LONP1: variants seen among roughly 807,000 people sequenced by gnomAD.
LONP1 encodes the protein lon peptidase 1, mitochondrial, also known as lon protease homolog, mitochondrial.
In LONP1, 31 loss-of-function variants were observed where a neutral mutation model predicts 98.5. That is an observed-to-expected ratio of 0.31 (90% confidence interval 0.24 to 0.42). LONP1 has a LOEUF of 0.42. LONP1 is among the 20% of genes least tolerant of loss of function. The probability of loss-of-function intolerance (pLI) is 1.00; values close to 1 mark genes in which losing one functional copy is unlikely to be tolerated. For synonymous variants in LONP1, 781 were observed against 594.7 expected (o/e 1.31, Z -4.56); for missense variants, 1,336 against 1,350.6 (o/e 0.99, Z 0.17).
intron 8 of LONP1, 30 bp from the exon 9 acceptor site, chr19:5,700,957 G>C (rs1407690315): frequency 6.2e-7 from 1 of 1,613,510 alleles, no homozygotes; most frequent in South Asian, 1.1e-5. Flanking sequence ...GAGATGCTGA[G>C]TGGAGCTCAC....
At chr19:5,710,141 T>C (rs547762077) in intron 4 of LONP1, among the ~76,000 whole-genome samples, 9 of 149,842 alleles carry the variant, frequency 6.0e-5, no homozygotes, top group African/African-American at 1.2e-4. Flanking sequence ...TGGAATGCAA[T>C]AGTGCAATCT....
intron 5 of LONP1, 24 bp from the exon 6 acceptor site, chr19:5,707,850 C>T (rs200800736): frequency 2.9e-5 from 46 of 1,611,058 alleles, no homozygotes; most frequent in African/African-American, 6.7e-5. Flanking sequence ...GGAGCTGCCT[C>T]GGTGGCCAGG....
At position 5,709,907 on chromosome 19, in the gene LONP1, C is replaced by CAAAAAAAAAAAAAAAAAAAAA. The variant is rs755774542; in HGVS notation, c.871-1525_871-1505dup. 7.8e-4 allele frequency among the ~76,000 whole-genome samples: 30 copies of CAAAAAAAAAAAAAAAAAAAAA among 38,670 alleles called. 1 individual carries two copies. Among genetic ancestry groups the CAAAAAAAAAAAAAAAAAAAAA allele is most frequent in the Non-Finnish European group, 1.1e-3 (26 of 23,478 alleles). The allele number at this position is 38,670 out of a possible 152,430, so 25.4% of individuals were successfully genotyped here. On this transcript the variant is annotated intron_variant, in intron 4 of 17. Transcript: ENST00000360614. Reference sequence around the variant, plus strand: ...AGCCTGGGCGACAGAGGCTCCATCTCAAAAAAAAAAAAAAAAAAAAAAAAA... The same window carrying CAAAAAAAAAAAAAAAAAAAAA: ...AGCCTGGGCGACAGAGGCTCCATCTCAAAAAAAAAAAAAAAAAAAAAAAAAAAAAAAAAAAAAAAAAAAAAA...
intron 8 of LONP1, among the ~76,000 whole-genome samples, chr19:5,704,062 G>C (rs989076741): frequency 1.3e-5 from 2 of 152,136 alleles, no homozygotes; most frequent in African/African-American, 4.8e-5. Context: ...GAAGGTCCCC[G>C]AGACAGGAGA....
At chr19:5,697,531 G>C (rs1029812823) in intron 10 of LONP1, among the ~76,000 whole-genome samples, 8 of 141,066 alleles carry the variant, frequency 5.7e-5, no homozygotes, top group Admixed American at 2.2e-4. Context: ...AGGGAGGAGA[G>C]GGGGAAGAGG....
At chr19:5,694,960 GAACCTGGGAGCC>G (rs1404657168) in intron 13 of LONP1, 59 bp from the exon 14 acceptor site, 2 of 1,551,170 alleles carry the variant, frequency 1.3e-6, no homozygotes, top group Non-Finnish European at 1.8e-6. Flanking sequence ...GCTCAGTCTA[GAACCTGGGAGCC>G]AATGCCTCTC....
intron 1 of LONP1, among the ~76,000 whole-genome samples, chr19:5,716,071 A>C (rs2055313182): frequency 6.6e-6 from 1 of 151,328 alleles, no homozygotes; most frequent in South Asian, 2.1e-4. Context: ...GACCCTGATT[A>C]AAGGTAATGG....
At chr19:5,707,945 G>T in intron 5 of LONP1, 119 bp from the exon 6 acceptor site, 1 of 1,202,222 alleles carries the variant, frequency 8.3e-7, no homozygotes, top group Non-Finnish European at 1.2e-6. Context: ...GCACGGTCTA[G>T]GGGTGCTCGC....
At chr19:5,699,499 G>A (rs894987201) in intron 9 of LONP1, among the ~76,000 whole-genome samples, 2 of 151,580 alleles carry the variant, frequency 1.3e-5, no homozygotes, top group African/African-American at 4.9e-5. Flanking sequence ...GACCGCAAAT[G>A]CTCCACTCTC....
At chr19:5,715,566 C>T (rs1290909850) in intron 1 of LONP1, among the ~76,000 whole-genome samples, 3 of 134,300 alleles carry the variant, frequency 2.2e-5, no homozygotes, top group Admixed American at 8.5e-5. Flanking sequence ...GGCGTGAACC[C>T]GGGAGGCGGA....
intron 7 of LONP1, among the ~76,000 whole-genome samples, chr19:5,706,702 C>G (rs2055151182): frequency 6.6e-6 from 1 of 152,192 alleles, no homozygotes; most frequent in African/African-American, 2.4e-5. Context: ...GCCTCAATGG[C>G]TGGGTCTTAA....
rs577612288 is a variant in LONP1 at position 5,698,222 on chromosome 19, G to A, written c.1685+805C>T. ...GCATGCTGTCACCCTTGCAGCGGGC[G>A]GGCAGATGCTAGGAAGGCCTGAGCC... On this transcript the variant is annotated intron_variant, in intron 10 of 17. Coordinates refer to ENST00000360614, the MANE Select transcript of LONP1 (RefSeq NM_004793.4). 9.9e-5 allele frequency among the ~76,000 whole-genome samples: 15 copies of A among 152,268 alleles called. No individual in the cohort carries two copies. In the South Asian group the frequency reaches 1.2e-3, roughly 13 times the overall value.
rs1568309190 is a variant in LONP1, at chr19:5,692,834, G to GC, written c.2703+463dup. 7.2e-5 allele frequency among the ~76,000 whole-genome samples: 11 copies of GC among 152,252 alleles called. No homozygotes were observed. The East Asian group carries it at 1.5e-3, about 21-fold the overall frequency. The stretch of plus-strand genomic sequence containing the variant: ...TCGTGGTGGCATCTCCTGACTGACT[G>GC]CACCAGGCTTCCTAGACACATGGCA... On this transcript the variant is annotated intron_variant, in intron 17 of 17. Coordinates refer to ENST00000360614, the MANE Select transcript of LONP1 (RefSeq NM_004793.4).
intron 14 of LONP1, 23 bp downstream of exon 14, chr19:5,694,738 A>C (rs779961463): frequency 6.3e-7 from 1 of 1,580,356 alleles, no homozygotes; most frequent in Non-Finnish European, 8.7e-7. Flanking sequence ...GGCAGGTGCC[A>C]GGAGGGCGGG....
chr19:5,708,438 C>G, intron 4 of LONP1, 35 bp from the exon 5 acceptor site: 1 of 1,200,004 alleles, frequency 8.3e-7, no homozygotes, highest in Non-Finnish European at 1.2e-6. Context: ...TGGGGCCCAG[C>G]AGTGCTCCAG....
intron 1 of LONP1, 39 bp from the exon 2 acceptor site, chr19:5,714,310 A>ATTTTT: frequency 1.2e-5 from 17 of 1,360,394 alleles, no homozygotes; most frequent in East Asian, 4.9e-5. Context: ...TGCAGAGTAG[A>ATTTTT]TTTTTTTTTT....
chr19:5,707,943 T>C, intron 5 of LONP1, 117 bp from the exon 6 acceptor site: 4 of 1,214,866 alleles, frequency 3.3e-6, no homozygotes, highest in Admixed American at 2.4e-5. Flanking sequence ...GGGCACGGTC[T>C]AGGGGTGCTC....
Position 5,710,241 on chromosome 19 carries a change from C to A in LONP1, c.870+1530G>T, listed in dbSNP as rs1282449096. The stretch of plus-strand genomic sequence containing the variant: ...CTGGGATTACAGGCATAAGCCACCA[C>A]ACCTGGCTAATTTTTTTTTGTATTT... On this transcript the variant is annotated intron_variant, in intron 4 of 17. Coordinates refer to ENST00000360614, the MANE Select transcript of LONP1 (RefSeq NM_004793.4). Among the ~76,000 whole-genome samples, 6 of 151,840 alleles carry A rather than the reference C, an allele frequency of 4.0e-5. No homozygotes were observed. The East Asian group carries it at 5.9e-4, about 15-fold the overall frequency.
At chr19:5,698,950 A>G in intron 10 of LONP1, 77 bp downstream of exon 10, 1 of 1,445,838 alleles carries the variant, frequency 6.9e-7, no homozygotes, top group South Asian at 1.3e-5. Context: ...CCAGATGTTA[A>G]AGGGTGACCG....
Sources: allele counts gnomAD v4.1 joint callset (sites outside exome capture counted in the v4.1 genomes callset), GRCh38; gene constraint gnomAD v4.1.1; transcripts MANE v1.5; gene names NCBI Gene and HGNC (gene_info 2026-07-23, HGNC 2026-07-21).